Variants in SSH2 observed in about 807,000 individuals in gnomAD.
The protein encoded by SSH2 is slingshot protein phosphatase 2.
SSH2 carries 37 observed loss-of-function variants against 135.2 expected under a neutral mutation model. The ratio of observed to expected loss-of-function variants is 0.27; its 90% confidence interval spans 0.21 to 0.36. The LOEUF is 0.36. SSH2 is among the 10% of genes least tolerant of loss of function. SSH2 has a pLI of 1.00. For synonymous variants in SSH2, 628 were observed against 646.2 expected, an observed-to-expected ratio of 0.97 and a Z score of 0.43; for missense variants, 1,408 against 1,765.3, an observed-to-expected ratio of 0.80 and a Z score of 3.63.
intron 4 of SSH2, among the ~76,000 whole-genome samples, chr17:29,700,961 G>T (rs549568058): frequency 1.9e-4 from 28 of 148,016 alleles, no homozygotes; most frequent in South Asian, 8.6e-4. Context: ...GCTAATTTTT[G>T]TATTTTTTTC....
chr17:29,879,371 C>A (rs1325985874), intron 1 of SSH2, among the ~76,000 whole-genome samples: 1 of 122,232 alleles, frequency 8.2e-6, no homozygotes, highest in Admixed American at 9.1e-5. Flanking sequence ...GTGCTTTCTG[C>A]TGTTTTTTTT....
chr17:29,746,108 T>C (rs563869982), intron 3 of SSH2, among the ~76,000 whole-genome samples: 53 of 152,238 alleles, frequency 3.5e-4, no homozygotes, highest in Middle Eastern at 6.8e-3. Flanking sequence ...AGATATCAAG[T>C]CTGTTCAAAG....
chr17:29,855,773 T>C (rs1446844973), intron 1 of SSH2: 2 of 160,344 alleles, frequency 1.2e-5, no homozygotes, highest in African/African-American at 4.8e-5. Flanking sequence ...AGACCATTCT[T>C]GGCAATCAGA....
chr17:29,634,198 C>A (rs2035799218), intron 15 of SSH2, among the ~76,000 whole-genome samples: 1 of 152,152 alleles, frequency 6.6e-6, no homozygotes, highest in Non-Finnish European at 1.5e-5. Context: ...TCAAGAATCA[C>A]AGTGGGGTAG....
At chr17:29,648,049 C>T (rs1328789129) in intron 14 of SSH2, 95 bp downstream of exon 14, 42 of 1,183,038 alleles carry the variant, frequency 3.6e-5, no homozygotes, top group African/African-American at 6.1e-5. Context: ...AATATCACAT[C>T]CAAATCAGCT....
chr17:29,890,945 G>A lies in SSH2; in HGVS notation c.63+38993C>T, dbSNP rs377476658. Among the ~76,000 whole-genome samples, 7 of 151,944 alleles carry A rather than the reference G, an allele frequency of 4.6e-5. No individual in the cohort carries two copies. The East Asian group carries it at 9.7e-4, about 21-fold the overall frequency. On this transcript the variant is annotated intron_variant, in intron 1 of 15. Transcript: ENST00000540801. ...TAATTTTTGTATTTTTAGTAGAGAC[G>A]GGGTTTCATCATGTTGGCCAGGATG...
intron 5 of SSH2, among the ~76,000 whole-genome samples, chr17:29,693,332 G>A (rs2038571588): frequency 6.6e-6 from 1 of 151,588 alleles, no homozygotes; most frequent in African/African-American, 2.4e-5. Flanking sequence ...TATTTTTTGA[G>A]ACAGAATCTT....
At chr17:29,832,974 T>C (rs116448998) in intron 2 of SSH2, among the ~76,000 whole-genome samples, 186 of 152,352 alleles carry the variant, frequency 1.2e-3, no homozygotes, top group African/African-American at 4.3e-3. Context: ...GCCATTTTTT[T>C]CTTTTACTTT....
intron 1 of SSH2, 142 bp from the exon 2 acceptor site, chr17:29,849,071 A>G: frequency 1.8e-6 from 1 of 555,186 alleles, no homozygotes; most frequent in Non-Finnish European, 3.3e-6. Flanking sequence ...GGCTATTTTG[A>G]GAGAACACTG....
chr17:29,626,716 G>A lies in SSH2; in HGVS notation c.*4125C>T, dbSNP rs922540962. 2 of 152,662 alleles carry A rather than the reference G, an allele frequency of 1.3e-5. No individual in the cohort carries two copies. The highest frequency in any genetic ancestry group is 4.8e-5 in the African/African-American group (2 of 41,450). The allele number at this position is 152,662 out of a possible 1,614,324, so 9.5% of individuals were successfully genotyped here. A position where few individuals can be genotyped will look rare whatever the true frequency, so the allele number is the denominator to read the frequency against. On this transcript the variant is annotated 3_prime_UTR_variant, in exon 16 of 16. Coordinates refer to ENST00000540801, the MANE Select transcript of SSH2 (RefSeq NM_001282129.2). ...CCCCACACCCTGGGAGAAGGGTTAG[G>A]AGTGTGCAGCTTCCTGCTTTGGTGG...
At chr17:29,742,505 T>TTC (rs57056214) in intron 3 of SSH2, among the ~76,000 whole-genome samples, 1 of 146,330 alleles carries the variant, frequency 6.8e-6, no homozygotes, top group African/African-American at 2.5e-5. Flanking sequence ...TTTTTTCTTT[T>TTC]CAATTTTTTG....
At chr17:29,926,099 G>T (rs1420972407) in intron 1 of SSH2, among the ~76,000 whole-genome samples, 2 of 152,010 alleles carry the variant, frequency 1.3e-5, no homozygotes, top group Non-Finnish European at 2.9e-5. Flanking sequence ...CCTCACATCT[G>T]TCTCTTTCTT....
chr17:29,843,474 T>G (rs1256742159), intron 2 of SSH2, among the ~76,000 whole-genome samples: 1 of 151,974 alleles, frequency 6.6e-6, no homozygotes, highest in Non-Finnish European at 1.5e-5. Context: ...TGAGAATCGC[T>G]TGAATCCAGG....
chr17:29,829,638 T>G (rs571313952), intron 2 of SSH2, among the ~76,000 whole-genome samples: 3 of 152,172 alleles, frequency 2.0e-5, no homozygotes, highest in Non-Finnish European at 4.4e-5. Context: ...CACTCATTTA[T>G]TCTTCTTTTA....
At chr17:29,847,446 G>A (rs1209373731) in intron 2 of SSH2, among the ~76,000 whole-genome samples, 1 of 152,096 alleles carries the variant, frequency 6.6e-6, no homozygotes, top group Non-Finnish European at 1.5e-5. Context: ...CAACTGGGAC[G>A]GTGTCTGCAT....
chr17:29,865,022 A>G (rs186516628), intron 1 of SSH2, among the ~76,000 whole-genome samples: 9 of 152,358 alleles, frequency 5.9e-5, no homozygotes, highest in African/African-American at 1.9e-4. Context: ...CATTAAAACT[A>G]GAATGGTGGA....
At chr17:29,799,291 T>C (rs1168646352) in intron 2 of SSH2, among the ~76,000 whole-genome samples, 1 of 152,214 alleles carries the variant, frequency 6.6e-6, no homozygotes, top group South Asian at 2.1e-4. Flanking sequence ...ACAGTATATA[T>C]ACCTATGAGT....
chr17:29,649,354 T>C (rs1301691121), intron 13 of SSH2, among the ~76,000 whole-genome samples: 1 of 151,988 alleles, frequency 6.6e-6, no homozygotes, highest in Admixed American at 6.6e-5. Context: ...CTTTTCCTTA[T>C]AGAACTAGAC....
intron 2 of SSH2, among the ~76,000 whole-genome samples, chr17:29,815,065 C>T (rs867648520): frequency 4.0e-5 from 6 of 148,948 alleles, no homozygotes; most frequent in Non-Finnish European, 7.4e-5. Flanking sequence ...TCTCTTGCTT[C>T]GGCTACCCAA....
Sources: allele counts gnomAD v4.1 joint callset (sites outside exome capture counted in the v4.1 genomes callset), GRCh38; gene constraint gnomAD v4.1.1; transcripts MANE v1.5; gene names NCBI Gene and HGNC (gene_info 2026-07-23, HGNC 2026-07-21).